Variants in MFSD1 observed in about 807,000 individuals in gnomAD.
MFSD1 encodes major facilitator superfamily domain containing 1.
A neutral mutation model predicts 67.1 loss-of-function variants in MFSD1; 59 were observed. That is an observed-to-expected ratio of 0.88 (90% CI 0.71 to 1.09). MFSD1 has a LOEUF of 1.09. Among genes scored for constraint, MFSD1 ranks in the 50% least tolerant of loss-of-function variants. The pLI, the probability that MFSD1 is intolerant of heterozygous loss-of-function variation, is 0.00. For missense variants in MFSD1, 552 were observed against 566.1 expected (o/e 0.97, Z 0.25); for synonymous variants, 213 against 200.3 (o/e 1.06, Z -0.54).
chr3:158,826,194 C>A, intron 14 of MFSD1, 132 bp downstream of exon 14: 2 of 598,990 alleles, frequency 3.3e-6, no homozygotes, highest in South Asian at 5.1e-5. Context: ...GATGGAAACA[C>A]ATTTGATTAT....
intron 15 of MFSD1, among the ~76,000 whole-genome samples, chr3:158,827,938 G>A (rs1731083486): frequency 3.2e-5 from 1 of 31,364 alleles, no homozygotes; most frequent in Non-Finnish European, 7.1e-5. Context: ...GAGAGAGAGA[G>A]AGAGGGGGAG....
In MFSD1 at chr3:158,814,691, A is replaced by G. The variant is rs1730225860; in HGVS notation, c.652+624A>G. 4.6e-5 allele frequency among the ~76,000 whole-genome samples: 7 copies of G among 152,300 alleles called. 1 individual carries two copies. The South Asian group carries it at 1.4e-3, about 32-fold the overall frequency. ...AGATCATGTAAATAAAAACTTTTTG[A>G]GAACAACCTGAGAATTTATTCATGC... On this transcript the variant is annotated intron_variant, in intron 7 of 15. Transcript: ENST00000415822.
At chr3:158,807,011 C>A in intron 3 of MFSD1, 29 bp from the exon 4 acceptor site, 1 of 1,563,590 alleles carries the variant, frequency 6.4e-7, no homozygotes, top group Non-Finnish European at 8.7e-7. Context: ...TTTTCTTTTT[C>A]TCATTCTCAT....
rs747665314 is a variant in MFSD1, at chr3:158,824,142, TC to T, written c.1195del (p.Leu401TrpfsTer10). On this transcript the variant is annotated frameshift_variant, in exon 13 of 16. Coordinates refer to ENST00000415822, the MANE Select transcript of MFSD1 (RefSeq NM_022736.4). LOFTEE classifies it high-confidence loss of function. The part of the protein sequence containing the change: ...AYGFMQSIQN[L>X]GLAIISIIAG... ...ATTGTAGCATGCAGTCCATTCAGAA[TC>T]TTGGGTTGGCCATCATTTCCATCAT... 6.2e-7 allele frequency: 1 copy of T among 1,612,966 alleles called. No individual in the cohort carries two copies. Among genetic ancestry groups the T allele is most frequent in the Admixed American group, 1.7e-5 (1 of 59,776 alleles).
At chr3:158,816,201 T>C (rs1730332330) in intron 7 of MFSD1, among the ~76,000 whole-genome samples, 3 of 152,298 alleles carry the variant, frequency 2.0e-5, no homozygotes, top group East Asian at 3.9e-4. Flanking sequence ...ATGGTATTTC[T>C]AGTTCTAGAT....
intron 7 of MFSD1, among the ~76,000 whole-genome samples, chr3:158,816,301 C>A (rs572783603): frequency 6.6e-6 from 1 of 152,158 alleles, no homozygotes; most frequent in Admixed American, 6.5e-5. Flanking sequence ...TTCTCCACAT[C>A]CTCTCCAGCA....
At chr3:158,823,554 G>A (rs1247919765) in intron 12 of MFSD1, 29 bp downstream of exon 12, 9 of 1,385,652 alleles carry the variant, frequency 6.5e-6, no homozygotes, top group South Asian at 5.8e-5. Flanking sequence ...GATCGTATAT[G>A]TCTGTCTCTG....
At chr3:158,807,283 A>T in intron 4 of MFSD1, 113 bp from the exon 5 acceptor site, 3 of 989,316 alleles carry the variant, frequency 3.0e-6, no homozygotes, top group Non-Finnish European at 4.7e-6. Flanking sequence ...AGATTTATTA[A>T]GGAGAAATAT....
At chr3:158,820,175 G>A (rs1730599644) in intron 8 of MFSD1, 40 bp from the exon 9 acceptor site, 7 of 1,144,052 alleles carry the variant, frequency 6.1e-6, no homozygotes, top group Middle Eastern at 2.0e-4. Flanking sequence ...CCTTAGGTAT[G>A]CAAAATTATG....
chr3:158,822,057 A>G lies in MFSD1; in HGVS notation c.994A>G (p.Ile332Val), dbSNP rs2108231120. The change falls in exon 11 of 16, where the codon ATC becomes GTC. Residue 332 changes from isoleucine (I) to valine (V), a missense_variant. Coordinates refer to ENST00000415822, the MANE Select transcript of MFSD1 (RefSeq NM_022736.4). ...GGTGGATAAAACAGGGAAGAACATC[A>G]TCTGGGTTCTTTGCGCAGTAGCAGC... ...LLVDKTGKNIIWVLCAVAATL... is the reference protein window; with the variant it reads ...LLVDKTGKNIVWVLCAVAATL... The G allele has an allele frequency of 1.2e-6, 2 of 1,613,978 alleles. No homozygotes were observed. Among genetic ancestry groups the G allele is most frequent in the East Asian group, 2.2e-5 (1 of 44,876 alleles).
chr3:158,807,685 T>C lies in MFSD1; in HGVS notation c.440+222T>C, dbSNP rs530531124. ...CTCTGTGTGGGGTTTGAGTATTAAA[T>C]AGTTCTCTGGAAATGATATTTTTCC... On this transcript the variant is annotated intron_variant, in intron 5 of 15. Transcript: ENST00000415822. 9.8e-5 allele frequency among the ~76,000 whole-genome samples: 15 copies of C among 152,352 alleles called. No homozygotes were observed. In the South Asian group the frequency reaches 2.9e-3, roughly 29 times the overall value.
At chr3:158,802,342 G>A in intron 1 of MFSD1, 27 bp downstream of exon 1, 1 of 1,609,692 alleles carries the variant, frequency 6.2e-7, no homozygotes, top group Non-Finnish European at 8.5e-7. Context: ...GGTTGGGGCT[G>A]ATCTTTAAGG....
At chr3:158,825,980 C>T (rs367980508) in intron 13 of MFSD1, 35 bp from the exon 14 acceptor site, 1 of 1,556,746 alleles carries the variant, frequency 6.4e-7, no homozygotes, top group Non-Finnish European at 8.9e-7. Flanking sequence ...AGAAGAAATA[C>T]ATATTTTAAG....
chr3:158,817,543 G>A (rs1183956322), intron 7 of MFSD1, among the ~76,000 whole-genome samples: 1 of 152,068 alleles, frequency 6.6e-6, no homozygotes, highest in African/African-American at 2.4e-5. Context: ...AACTTACAAG[G>A]GATGTGAAGA....
intron 15 of MFSD1, among the ~76,000 whole-genome samples, chr3:158,828,245 T>C (rs1455171247): frequency 6.6e-6 from 1 of 152,216 alleles, no homozygotes; most frequent in African/African-American, 2.4e-5. Flanking sequence ...TTTCCTGTTA[T>C]TTCTAATATT....
At chr3:158,805,272 T>G in intron 2 of MFSD1, 90 bp from the exon 3 acceptor site, 1 of 1,032,726 alleles carries the variant, frequency 9.7e-7, no homozygotes, top group Non-Finnish European at 1.5e-6. Flanking sequence ...AGAATGTAAC[T>G]ACTTTCCACT....
Position 158,827,273 on chromosome 3 carries a change from G to T in MFSD1, c.1337-7G>T. ...ATGGAAAAGATCTATGTTTATTTGT[G>T]TTTTAGGTGGGAACCTAAATTATTC... On this transcript the variant is annotated splice_region_variant and splice_polypyrimidine_tract_variant and intron_variant, in intron 14 of 15. Transcript: ENST00000415822. 1 of 1,535,754 alleles carries T rather than the reference G, an allele frequency of 6.5e-7. No homozygotes were observed. Among genetic ancestry groups the T allele is most frequent in the Non-Finnish European group, 8.8e-7 (1 of 1,137,244 alleles).
At chr3:158,809,678 T>C (rs1194511481) in intron 6 of MFSD1, among the ~76,000 whole-genome samples, 1 of 152,194 alleles carries the variant, frequency 6.6e-6, no homozygotes, top group Non-Finnish European at 1.5e-5. Context: ...CCTACCTTAA[T>C]GAACTTTATG....
chr3:158,803,932 T>C (rs570532318), intron 1 of MFSD1, among the ~76,000 whole-genome samples: 3 of 152,318 alleles, frequency 2.0e-5, no homozygotes, highest in African/African-American at 7.2e-5. Context: ...AAGCTAACAT[T>C]ATTAGGAAAC....
Sources: gnomAD v4.1 joint callset for allele counts (sites outside exome capture counted in the v4.1 genomes callset) on GRCh38, gnomAD v4.1.1 for gene constraint, MANE v1.5 for transcripts, NCBI Gene and HGNC (gene_info 2026-07-23, HGNC 2026-07-21) for gene names.